The following NTM variants were observed in gnomAD, a reference collection of about 807,000 sequenced individuals.
NTM encodes IgLON family member 2.
In NTM, 13 loss-of-function variants were observed where a neutral mutation model predicts 42.1. The ratio of observed to expected loss-of-function variants is 0.31; its 90% CI spans 0.20 to 0.49. The LOEUF is 0.49. NTM is among the 20% of genes least tolerant of loss of function. The probability of loss-of-function intolerance (pLI) is 0.99; values close to 1 mark genes in which losing one functional copy is unlikely to be tolerated. For synonymous variants in NTM, 187 were observed against 179.2 expected, an observed-to-expected ratio of 1.04 and a Z score of -0.35; for missense variants, 373 against 452.8, an observed-to-expected ratio of 0.82 and a Z score of 1.60.
chr11:131,937,425 A>G (rs141346329), intron 2 of NTM, among the ~76,000 whole-genome samples: 10 of 152,264 alleles, frequency 6.6e-5, no homozygotes, highest in South Asian at 4.1e-4. Context: ...TGGGCGATGC[A>G]TGGGCCACTG....
intron 1 of NTM, among the ~76,000 whole-genome samples, chr11:131,647,053 C>G (rs560688396): frequency 1.3e-5 from 2 of 152,356 alleles, no homozygotes; most frequent in East Asian, 3.9e-4. Context: ...GAAAAGTTTA[C>G]TCTTCGTACC....
rs866408135 is a variant in NTM, at chr11:131,789,626, A to G, written c.83-121938A>G. Among the ~76,000 whole-genome samples, 289 of 90,042 alleles carry G rather than the reference A, an allele frequency of 3.2e-3. 32 individuals carry two copies. Among genetic ancestry groups the G allele is most frequent in the Non-Finnish European group, 5.4e-3 (235 of 43,436 alleles). The allele number at this position is 90,042 out of a possible 152,430, so 59.1% of individuals were successfully genotyped here. ...GAAGAAGAAGAAGAAGAAGAAGAAG[A>G]AGAAGAAGAAAAGAAGAAGAAGAAG... On this transcript the variant is annotated intron_variant, in intron 1 of 8. Transcript: ENST00000683400.
intron 1 of NTM, among the ~76,000 whole-genome samples, chr11:131,781,785 G>C (rs1192118801): frequency 6.6e-6 from 1 of 152,170 alleles, no homozygotes. Context: ...TGAAGCCCAT[G>C]GACCACTCTG....
intron 2 of NTM, among the ~76,000 whole-genome samples, chr11:131,982,790 G>A (rs1465582164): frequency 2.0e-5 from 3 of 152,134 alleles, no homozygotes; most frequent in African/African-American, 7.2e-5. Flanking sequence ...TTCCTTGTTA[G>A]TAACTCAGAG....
At chr11:131,915,246 A>G (rs1384538702) in intron 2 of NTM, among the ~76,000 whole-genome samples, 1 of 152,186 alleles carries the variant, frequency 6.6e-6, no homozygotes, top group African/African-American at 2.4e-5. Context: ...TTGTACACCA[A>G]GCTTCCCAGG....
intron 4 of NTM, among the ~76,000 whole-genome samples, chr11:132,305,530 G>T (rs2095045652): frequency 6.6e-6 from 1 of 152,192 alleles, no homozygotes; most frequent in African/African-American, 2.4e-5. Context: ...CCACACATAT[G>T]TACCAAGGAC....
At chr11:131,414,430 T>C (rs112358289) in intron 1 of NTM, among the ~76,000 whole-genome samples, 12,415 of 152,144 alleles carry the variant, frequency 0.082, 1,275 homozygotes, top group African/African-American at 0.24. Flanking sequence ...GTGCTAGAGG[T>C]TGGACCCAAG....
At chr11:132,108,046 C>T (rs1216206340) in intron 2 of NTM, among the ~76,000 whole-genome samples, 1 of 152,180 alleles carries the variant, frequency 6.6e-6, no homozygotes, top group East Asian at 1.9e-4. Context: ...GATGCCTACT[C>T]CTTCTCAATA....
chr11:131,407,996 A>G (rs1183049224), intron 1 of NTM, among the ~76,000 whole-genome samples: 1 of 152,258 alleles, frequency 6.6e-6, no homozygotes, highest in Non-Finnish European at 1.5e-5. Flanking sequence ...GCCCCCAGCC[A>G]GGACTTCTTA....
rs770003456 is a variant in NTM, at chr11:131,821,239, C to A, written c.83-90325C>A. Among the ~76,000 whole-genome samples the A allele has an allele frequency of 5.9e-5, 9 of 152,210 alleles. No individual in the cohort carries two copies. The South Asian group carries it at 6.2e-4, about 11-fold the overall frequency. ...AAGCATTACCATCATCCTAATGGAA[C>A]TGGGAACTCATTCCTGTTCCTACTT... On this transcript the variant is annotated intron_variant, in intron 1 of 8. Transcript: ENST00000683400.
At chr11:131,869,026 G>A (rs1194895787) in intron 1 of NTM, among the ~76,000 whole-genome samples, 1 of 152,174 alleles carries the variant, frequency 6.6e-6, no homozygotes, top group Middle Eastern at 3.2e-3. Flanking sequence ...ATTTGACGTG[G>A]TTTATGGTGG....
At chr11:132,286,934 T>C (rs771243593) in intron 4 of NTM, among the ~76,000 whole-genome samples, 4 of 152,244 alleles carry the variant, frequency 2.6e-5, no homozygotes, top group African/African-American at 7.2e-5. Flanking sequence ...ATGCTTTTCT[T>C]CTTTGGTGCC....
chr11:131,386,331 C>T (rs989706749), intron 1 of NTM, among the ~76,000 whole-genome samples: 2 of 152,106 alleles, frequency 1.3e-5, no homozygotes, highest in African/African-American at 4.8e-5. Flanking sequence ...ATTTAATGGT[C>T]ACAGAGTTTC....
At chr11:131,913,476 T>C (rs969007356) in intron 2 of NTM, among the ~76,000 whole-genome samples, 1 of 152,200 alleles carries the variant, frequency 6.6e-6, no homozygotes, top group Non-Finnish European at 1.5e-5. Flanking sequence ...GTCAGGACTG[T>C]CCAGAGGGTG....
At chr11:131,462,772 CG>C (rs1353641301) in intron 1 of NTM, among the ~76,000 whole-genome samples, 1 of 152,098 alleles carries the variant, frequency 6.6e-6, no homozygotes, top group Non-Finnish European at 1.5e-5. Flanking sequence ...CTCCCTAGAG[CG>C]GGCCCACCTA....
At chr11:131,894,706 G>C (rs1422485596) in intron 1 of NTM, among the ~76,000 whole-genome samples, 5 of 152,234 alleles carry the variant, frequency 3.3e-5, no homozygotes, top group Non-Finnish European at 7.4e-5. Context: ...AGCAGCCCGG[G>C]CTCCTCCCTA....
At position 132,104,213 on chromosome 11, in the gene NTM, T is replaced by C. The variant is rs1054846236; in HGVS notation, c.168-42069T>C. Among the ~76,000 whole-genome samples the C allele has an allele frequency of 3.3e-5, 5 of 152,206 alleles. No individual in the cohort carries two copies. In the East Asian group the frequency reaches 9.7e-4, roughly 29 times the overall value. On this transcript the variant is annotated intron_variant, in intron 2 of 8. Coordinates refer to ENST00000683400, the MANE Select transcript of NTM (RefSeq NM_001352005.2). ...GAGCTGGGGCATCTTTATGTCAAAG[T>C]GGATCTGTTATGGTGCATGCAACAG...
intron 1 of NTM, among the ~76,000 whole-genome samples, chr11:131,687,235 C>T (rs1362336283): frequency 6.6e-6 from 1 of 152,254 alleles, no homozygotes; most frequent in Non-Finnish European, 1.5e-5. Context: ...TGAAACGTGA[C>T]AACACCGTCA....
At chr11:132,110,420 CAT>C (rs1350068514) in intron 2 of NTM, among the ~76,000 whole-genome samples, 1 of 152,208 alleles carries the variant, frequency 6.6e-6, no homozygotes, top group East Asian at 1.9e-4. Flanking sequence ...GAATTGTCGA[CAT>C]ATGGCTGAAG....
Sources: gnomAD v4.1 joint callset for allele counts (sites outside exome capture counted in the v4.1 genomes callset) on GRCh38, gnomAD v4.1.1 for gene constraint, MANE v1.5 for transcripts, NCBI Gene and HGNC (gene_info 2026-07-23, HGNC 2026-07-21) for gene names.